The following RYK variants were observed in gnomAD, a reference collection of about 807,000 sequenced individuals.
RYK encodes the protein receptor like tyrosine kinase.
A neutral mutation model predicts 70.2 loss-of-function variants in RYK; 21 were observed. The ratio of observed to expected loss-of-function variants is 0.30; its 90% CI spans 0.21 to 0.43. The LOEUF is 0.43. RYK is among the 20% of genes least tolerant of loss of function. The pLI is 1.00. For missense variants in RYK, 604 were observed against 753.3 expected (o/e 0.80, Z 2.32); for synonymous variants, 267 against 278.0 (o/e 0.96, Z 0.39).
rs777286641 is a variant in RYK at position 134,232,857 on chromosome 3, T to C, written c.233-10318A>G. ...ATTAATTTTCCTAGGCAAGGGGATC[T>C]GGAATAGCAGGAATAGAATTATAAC... On this transcript the variant is annotated intron_variant, in intron 1 of 14. Transcript: ENST00000623711. 3.8e-4 allele frequency among the ~76,000 whole-genome samples: 58 copies of C among 152,212 alleles called. 1 individual carries two copies. The highest frequency in any genetic ancestry group is 1.3e-4 in the Admixed American group (2 of 15,276).
At chr3:134,168,346 C>T (rs376354827) in intron 13 of RYK, among the ~76,000 whole-genome samples, 79 of 152,232 alleles carry the variant, frequency 5.2e-4, no homozygotes, top group South Asian at 1.7e-3. Context: ...GCACTATTCA[C>T]GACAGCAAAG....
intron 13 of RYK, among the ~76,000 whole-genome samples, chr3:134,172,343 A>G (rs115890421): frequency 0.012 from 1,881 of 152,250 alleles, 51 homozygotes; most frequent in African/African-American, 0.043. Context: ...AATTCAACTG[A>G]TATTATGTTT....
chr3:134,209,388 C>T (rs2014321580), intron 4 of RYK, among the ~76,000 whole-genome samples: 2 of 152,214 alleles, frequency 1.3e-5, no homozygotes, highest in Non-Finnish European at 2.9e-5. Context: ...AACATAGTTA[C>T]TCAGAAGTCC....
intron 2 of RYK, among the ~76,000 whole-genome samples, chr3:134,215,605 G>A (rs9856792): frequency 0.14 from 21,954 of 152,158 alleles, 1,953 homozygotes; most frequent in East Asian, 0.47. Flanking sequence ...GGCATGTATC[G>A]ATCTGTAAGG....
At chr3:134,230,513 G>C (rs1350177462) in intron 1 of RYK, among the ~76,000 whole-genome samples, 2 of 152,214 alleles carry the variant, frequency 1.3e-5, no homozygotes, top group African/African-American at 4.8e-5. Flanking sequence ...AAGAGACTTT[G>C]TAACAATAGG....
intron 1 of RYK, among the ~76,000 whole-genome samples, chr3:134,233,486 C>T (rs930695119): frequency 2.6e-5 from 4 of 151,774 alleles, no homozygotes; most frequent in African/African-American, 7.3e-5. Flanking sequence ...CTTAAGGAAA[C>T]GAAAGACAGA....
At chr3:134,224,111 A>G (rs4234422) in intron 1 of RYK, among the ~76,000 whole-genome samples, 3 of 151,978 alleles carry the variant, frequency 2.0e-5, no homozygotes, top group African/African-American at 7.3e-5. Flanking sequence ...AATAAAGACA[A>G]AAGACAAAGA....
chr3:134,206,231 G>C (rs1327988446), intron 5 of RYK, among the ~76,000 whole-genome samples: 1 of 152,118 alleles, frequency 6.6e-6, no homozygotes, highest in Non-Finnish European at 1.5e-5. Flanking sequence ...AGACAAAATA[G>C]GCAGCACAGA....
intron 13 of RYK, among the ~76,000 whole-genome samples, chr3:134,169,599 A>C (rs186112392): frequency 7.9e-5 from 12 of 152,360 alleles, no homozygotes; most frequent in Non-Finnish European, 1.6e-4. Flanking sequence ...GAATCTGGAC[A>C]TACTGAAATA....
intron 6 of RYK, among the ~76,000 whole-genome samples, chr3:134,199,816 G>A (rs375569860): frequency 1.3e-5 from 2 of 152,022 alleles, no homozygotes; most frequent in African/African-American, 2.4e-5. Context: ...GTGGGGACTT[G>A]GACAACTTTT....
chr3:134,205,343 C>A (rs2014183615), intron 5 of RYK, among the ~76,000 whole-genome samples: 1 of 152,142 alleles, frequency 6.6e-6, no homozygotes, highest in Non-Finnish European at 1.5e-5. Flanking sequence ...TAAAATTTAA[C>A]CTTCCTATCA....
At chr3:134,173,604 G>A (rs12374093) in intron 13 of RYK, among the ~76,000 whole-genome samples, 174 of 152,246 alleles carry the variant, frequency 1.1e-3, no homozygotes, top group Non-Finnish European at 2.1e-3. Flanking sequence ...ATCAGATCTC[G>A]TGAGACTCAC....
chr3:134,219,780 T>C (rs895776431), intron 2 of RYK, among the ~76,000 whole-genome samples: 3 of 152,182 alleles, frequency 2.0e-5, no homozygotes, highest in Admixed American at 6.5e-5. Context: ...TGAATGGTTA[T>C]CCAGTGTAGG....
At chr3:134,220,420 G>A (rs543275786) in intron 2 of RYK, among the ~76,000 whole-genome samples, 1 of 152,316 alleles carries the variant, frequency 6.6e-6, no homozygotes, top group South Asian at 2.1e-4. Flanking sequence ...TGACGTATGG[G>A]GAGGGGGAGG....
Position 134,177,976 on chromosome 3 carries a change from G to A in RYK, c.1270C>T (p.Arg424Ter), listed in dbSNP as rs768946920. The change falls in exon 11 of 15, where the codon CGA becomes TGA. Residue 424 changes from arginine (R) to a stop codon, truncating the protein, a stop_gained. Transcript: ENST00000623711. LOFTEE classifies it high-confidence loss of function. ...MNWGNLKLFLRQCKLVEANNP... is the reference protein window; with the variant it reads ...MNWGNLKLFL ...TTGGCCTCTACTAACTTGCACTGTCGTAAAAACAATTTAAGATTCCCCCAA... is the reference window on the plus strand; with the variant it reads ...TTGGCCTCTACTAACTTGCACTGTCATAAAAACAATTTAAGATTCCCCCAA... The A allele has an allele frequency of 1.2e-6, 2 of 1,612,544 alleles. No individual in the cohort carries two copies. The highest frequency in any genetic ancestry group is 1.1e-5 in the South Asian group (1 of 90,786).
intron 1 of RYK, among the ~76,000 whole-genome samples, chr3:134,245,832 G>A (rs1372504672): frequency 6.6e-6 from 1 of 152,098 alleles, no homozygotes; most frequent in East Asian, 1.9e-4. Flanking sequence ...GTTGATATTC[G>A]GGGCAGACTC....
chr3:134,218,845 G>A (rs2014644197), intron 2 of RYK, among the ~76,000 whole-genome samples: 1 of 152,136 alleles, frequency 6.6e-6, no homozygotes, highest in African/African-American at 2.4e-5. Context: ...CTAAGTGTGA[G>A]GCATTGGGTC....
chr3:134,223,600 G>A (rs1388706548), intron 1 of RYK, among the ~76,000 whole-genome samples: 49 of 141,966 alleles, frequency 3.5e-4, no homozygotes, highest in Non-Finnish European at 4.6e-4. Flanking sequence ...AAGTGTTTGA[G>A]AAATGTAAAA....
intron 5 of RYK, among the ~76,000 whole-genome samples, chr3:134,204,821 T>C (rs574506023): frequency 4.0e-4 from 61 of 152,236 alleles, no homozygotes; most frequent in African/African-American, 1.3e-3. Context: ...TGGGGGATCA[T>C]TGCAAGGTTT....
Sources: gnomAD v4.1 joint callset for allele counts (sites outside exome capture counted in the v4.1 genomes callset) on GRCh38, gnomAD v4.1.1 for gene constraint, MANE v1.5 for transcripts, NCBI Gene and HGNC (gene_info 2026-07-23, HGNC 2026-07-21) for gene names.